Variants in CAPRIN2 observed in about 807,000 individuals in gnomAD.
The protein encoded by CAPRIN2 is caprin family member 2, also known as caprin-2.
A neutral mutation model predicts 130.4 loss-of-function variants in CAPRIN2; 66 were observed. The observed-to-expected ratio is 0.51, with a 90% CI of 0.42 to 0.62. The LOEUF (loss-of-function observed/expected upper bound fraction) is 0.62. Among genes scored for constraint, CAPRIN2 ranks in the 20% least tolerant of loss-of-function variants. The probability of loss-of-function intolerance (pLI) is 0.00; values close to 1 mark genes in which losing one functional copy is unlikely to be tolerated. For synonymous variants in CAPRIN2, 471 were observed against 444.1 expected (o/e 1.06, Z -0.76); for missense variants, 1,185 against 1,246.6 (o/e 0.95, Z 0.74).
chr12:30,717,595 TA>T (rs149419402), intron 12 of CAPRIN2, among the ~76,000 whole-genome samples: 4,224 of 146,998 alleles, frequency 0.029, 187 homozygotes, highest in African/African-American at 0.098. Flanking sequence ...TTTACCATAG[TA>T]AAAAAAAAAC....
In CAPRIN2 at chr12:30,711,752, G is replaced by A. The variant is rs752603420; in HGVS notation, c.2602-123C>T. ...TTAGTTCTTTACCTGGCCTTCCCCA[G>A]CAACCAAAGAGGCTCAGATGTTTCC... is the stretch of plus-strand genomic sequence containing the variant. On this transcript the variant is annotated intron_variant, in intron 15 of 16. Coordinates refer to ENST00000298892, the Ensembl canonical transcript of CAPRIN2. 69 of 779,448 alleles carry A rather than the reference G, an allele frequency of 8.9e-5. 2 individuals carry two copies. Among genetic ancestry groups the A allele is most frequent in the Admixed American group, 1.9e-4 (10 of 51,338 alleles). The allele number at this position is 779,448 out of a possible 1,614,324, so 48.3% of individuals were successfully genotyped here.
chr12:30,740,973 T>C (rs368119885), intron 3 of CAPRIN2, 47 bp downstream of exon 4: 179 of 1,100,058 alleles, frequency 1.6e-4, no homozygotes, highest in Non-Finnish European at 2.3e-4. Context: ...TTCTCCAAGA[T>C]CAGTGGTTAA....
At chr12:30,734,127 G>A (rs1296254455) in intron 4 of CAPRIN2, among the ~76,000 whole-genome samples, 2 of 152,176 alleles carry the variant, frequency 1.3e-5, no homozygotes. Flanking sequence ...TTAAAGTGAA[G>A]CTACATTCCC....
rs111737814 is a variant in CAPRIN2, at chr12:30,732,769, C to G, written c.892+860G>C. Among the ~76,000 whole-genome samples, 955 of 152,036 alleles carry G rather than the reference C, an allele frequency of 6.3e-3. 10 individuals are homozygous for G. The highest frequency in any genetic ancestry group is 0.022 in the African/African-American group (924 of 41,514). On this transcript the variant is annotated intron_variant, in intron 5 of 16. Transcript: ENST00000298892. ...AGTAGATTCCACTGCATGGGTATAC[C>G]ACATTTTATCAATTTATCAGCTGAA... is the stretch of plus-strand genomic sequence containing the variant.
chr12:30,739,969 A>C (rs895324091), intron 3 of CAPRIN2, among the ~76,000 whole-genome samples: 33 of 152,250 alleles, frequency 2.2e-4, no homozygotes, highest in African/African-American at 7.5e-4. Flanking sequence ...GACAGAAGAC[A>C]GAAAATTTTA....
chr12:30,711,713 T>G (rs764643989), intron 15 of CAPRIN2, 84 bp from the exon 18 acceptor site: 2 of 1,094,680 alleles, frequency 1.8e-6, no homozygotes, highest in African/African-American at 3.1e-5. Flanking sequence ...GGCTGGCAAA[T>G]AAGATTAGTC....
chr12:30,734,967 C>G lies in CAPRIN2; in HGVS notation c.809+1G>C. 1 of 1,602,660 alleles carries G rather than the reference C, an allele frequency of 6.2e-7. No homozygotes were observed. The highest frequency in any genetic ancestry group is 1.1e-5 in the South Asian group (1 of 90,780). On this transcript the variant is annotated splice_donor_variant, in intron 4 of 16. Coordinates refer to ENST00000298892, the Ensembl canonical transcript of CAPRIN2. LOFTEE classifies it high-confidence loss of function. ...TCAGGAAAATCTTTTCATTAGCTTA[C>G]CTCAGACTTTCATTTCTTTCAGGGC...
At chr12:30,717,700 T>G (rs1316987045) in intron 12 of CAPRIN2, among the ~76,000 whole-genome samples, 1 of 152,120 alleles carries the variant, frequency 6.6e-6, no homozygotes, top group Non-Finnish European at 1.5e-5. Context: ...ATGCTGAGAA[T>G]AAAAGCTATA....
At chr12:30,728,049 G>A (rs183956463) in intron 8 of CAPRIN2, among the ~76,000 whole-genome samples, 28 of 152,256 alleles carry the variant, frequency 1.8e-4, no homozygotes, top group African/African-American at 6.7e-4. Flanking sequence ...TTCACATTAT[G>A]TCATTATGGT....
chr12:30,723,165 A>G, intron 11 of CAPRIN2, 94 bp downstream of exon 12: 1 of 825,324 alleles, frequency 1.2e-6, no homozygotes, highest in Admixed American at 2.0e-5. Context: ...TAATTTCATT[A>G]GGTACATGAG....
chr12:30,723,173 G>A, intron 11 of CAPRIN2, 86 bp downstream of exon 12: 1 of 902,034 alleles, frequency 1.1e-6, no homozygotes, highest in South Asian at 1.4e-5. Context: ...TTAGGTACAT[G>A]AGAATCAGTA....
chr12:30,723,489 T>C (rs1441919166), intron 10 of CAPRIN2, among the ~76,000 whole-genome samples, 175 bp from the exon 12 acceptor site: 1 of 152,210 alleles, frequency 6.6e-6, no homozygotes, highest in East Asian at 1.9e-4. Flanking sequence ...TGTAGAAGAA[T>C]AGAAAATACT....
exon 9 of CAPRIN2, chr12:30,726,039 T>C (rs1188270524): frequency 1.9e-6 from 3 of 1,597,812 alleles, no homozygotes; most frequent in African/African-American, 2.7e-5. Context: ...TACTGGATCC[T>C]TCGGAAGGGT....
At chr12:30,743,891 A>G (rs1157692684) in intron 2 of CAPRIN2, among the ~76,000 whole-genome samples, 1 of 152,132 alleles carries the variant, frequency 6.6e-6, no homozygotes, top group Non-Finnish European at 1.5e-5. Flanking sequence ...CATACAGGTG[A>G]TATTTCTATC....
At position 30,751,147 on chromosome 12, in the gene CAPRIN2, A is replaced by G; in HGVS notation, c.421-14T>C. 6.2e-7 allele frequency: 1 copy of G among 1,602,084 alleles called. No individual in the cohort carries two copies. The highest frequency in any genetic ancestry group is 8.6e-7 in the Non-Finnish European group (1 of 1,169,204). Reference sequence around the variant, plus strand: ...CTCCAGTTTGAGCTACAAAAGAGAAACTTGTATCTACCATAGTCTGACATA... The same window carrying G: ...CTCCAGTTTGAGCTACAAAAGAGAAGCTTGTATCTACCATAGTCTGACATA... On this transcript the variant is annotated splice_polypyrimidine_tract_variant and intron_variant, in intron 1 of 16. Coordinates refer to ENST00000298892, the Ensembl canonical transcript of CAPRIN2.
chr12:30,721,072 A>G (rs1228487584), intron 11 of CAPRIN2, among the ~76,000 whole-genome samples, 157 bp from the exon 13 acceptor site: 2 of 152,212 alleles, frequency 1.3e-5, no homozygotes, highest in African/African-American at 4.8e-5. Context: ...TTTAATCCTA[A>G]CAGTAATCTG....
At position 30,709,965 on chromosome 12, in the gene CAPRIN2, TC is replaced by T; in HGVS notation, c.3170del (p.Gly1057GlufsTer35). The stretch of plus-strand genomic sequence containing the variant: ...ATTTCCAGCTACTTCCATAAATTGC[TC>T]CCCTGTGCAGACGTAACCATATCTG... On this transcript the variant is annotated frameshift_variant, in exon 17 of 17. Transcript: ENST00000298892. LOFTEE classifies it high-confidence loss of function. 6.2e-7 allele frequency: 1 copy of T among 1,612,368 alleles called. No individual in the cohort carries two copies. The highest frequency in any genetic ancestry group is 8.5e-7 in the Non-Finnish European group (1 of 1,178,684).
chr12:30,742,685 C>CAA (rs35509783), intron 2 of CAPRIN2, among the ~76,000 whole-genome samples: 61 of 142,392 alleles, frequency 4.3e-4, no homozygotes, highest in African/African-American at 7.2e-4. Flanking sequence ...AACAGGGCAG[C>CAA]AAAAAAAAAA....
chr12:30,716,614 A>G (rs762410762), exon 13 of CAPRIN2: 2 of 1,614,020 alleles, frequency 1.2e-6, no homozygotes, highest in South Asian at 1.1e-5. Context: ...AGCCAGGTGA[A>G]TAAGGGGATT....
Sources: allele counts gnomAD v4.1 joint callset (sites outside exome capture counted in the v4.1 genomes callset), GRCh38; gene constraint gnomAD v4.1.1; transcripts MANE v1.5; gene names NCBI Gene and HGNC (gene_info 2026-07-23, HGNC 2026-07-21).